GAK: variants seen among roughly 807,000 people sequenced by gnomAD.
The protein encoded by GAK is cyclin-G-associated kinase.
GAK carries 79 observed loss-of-function variants against 143.9 expected under a neutral mutation model. That is an observed-to-expected ratio of 0.55 (90% CI 0.46 to 0.66). The LOEUF (loss-of-function observed/expected upper bound fraction) is 0.66, where lower values mean the gene tolerates loss of function less well. GAK is among the 30% of genes least tolerant of loss of function. GAK has a pLI of 0.00. For missense variants in GAK, 1,693 were observed against 1,779.7 expected, an observed-to-expected ratio of 0.95 and a Z score of 0.88; for synonymous variants, 881 against 765.5, an observed-to-expected ratio of 1.15 and a Z score of -2.49.
chr4:913,863 C>T (rs1434342824), intron 1 of GAK, 195 bp from the exon 2 acceptor site: 1 of 558,458 alleles, frequency 1.8e-6, no homozygotes, highest in Non-Finnish European at 3.2e-6. Flanking sequence ...CACACAGCCC[C>T]AGCGTGCACG....
chr4:890,748 G>T (rs1000208730), intron 9 of GAK, 126 bp from the exon 10 acceptor site: 1 of 697,256 alleles, frequency 1.4e-6, no homozygotes, highest in Admixed American at 2.6e-5. Flanking sequence ...ATGACACAGT[G>T]CAAGGGAGGA....
intron 25 of GAK, 113 bp downstream of exon 25, chr4:851,637 C>G (rs934020371): frequency 1.9e-5 from 22 of 1,136,688 alleles, no homozygotes; most frequent in Non-Finnish European, 3.9e-6. Context: ...GTGGCTTGGC[C>G]GTGCCTGTCC....
intron 24 of GAK, chr4:859,221 C>CT (rs1405595108): frequency 8.4e-7 from 1 of 1,187,728 alleles, no homozygotes; most frequent in Non-Finnish European, 1.1e-6. Flanking sequence ...AGAGGGTGGG[C>CT]TCGGTTCTTG....
Position 912,878 on chromosome 4 carries a change from C to G in GAK, c.208-84G>C, listed in dbSNP as rs774296650. ...CGATGCATCATCTCAGACATAAGCACGCAACAGAGCAATGCAATGTGTCTA... is the reference window on the plus strand; with the variant it reads ...CGATGCATCATCTCAGACATAAGCAGGCAACAGAGCAATGCAATGTGTCTA... On this transcript the variant is annotated intron_variant, in intron 2 of 27. Coordinates refer to ENST00000314167, the MANE Select transcript of GAK (RefSeq NM_005255.4). 12 of 1,159,346 alleles carry G rather than the reference C, an allele frequency of 1.0e-5. No individual in the cohort carries two copies. In the African/African-American group the frequency reaches 1.7e-4, roughly 16 times the overall value. The allele number at this position is 1,159,346 out of a possible 1,614,324, so 71.8% of individuals were successfully genotyped here.
At chr4:875,241 G>A (rs1055961575) in intron 18 of GAK, among the ~76,000 whole-genome samples, 7 of 151,960 alleles carry the variant, frequency 4.6e-5, no homozygotes, top group African/African-American at 1.7e-4. Context: ...AAGAGCACTG[G>A]GTGTTTTTCT....
intron 24 of GAK, chr4:852,313 C>G (rs1021290081): frequency 5.4e-6 from 2 of 369,164 alleles, no homozygotes; most frequent in Admixed American, 8.9e-5. Context: ...CCCCCAGGAG[C>G]CAAGGCAGAC....
At chr4:887,458 T>C (rs1489496135) in intron 11 of GAK, 2 of 147,186 alleles carry the variant, frequency 1.4e-5, no homozygotes, top group African/African-American at 5.1e-5. Flanking sequence ...TGCATACACA[T>C]GCACGCAGCT....
chr4:894,693 T>G (rs1718417034), intron 7 of GAK: 1 of 152,170 alleles, frequency 6.6e-6, no homozygotes, highest in Admixed American at 6.5e-5. Context: ...ATTAAAAAGT[T>G]CCGTTCAGGC....
chr4:907,784 CT>C (rs1721346958), intron 4 of GAK, among the ~76,000 whole-genome samples: 3 of 152,244 alleles, frequency 2.0e-5, no homozygotes, highest in Admixed American at 6.5e-5. Context: ...CGGCTCTCCC[CT>C]GGCACAGCTG....
intron 18 of GAK, among the ~76,000 whole-genome samples, chr4:871,212 G>A (rs868357396): frequency 1.3e-5 from 2 of 152,212 alleles, no homozygotes; most frequent in Admixed American, 6.5e-5. Context: ...GGCACCGGGC[G>A]GGGCCGCCAT....
At chr4:877,263 A>T in intron 16 of GAK, 56 bp from the exon 17 acceptor site, 3 of 1,112,056 alleles carry the variant, frequency 2.7e-6, no homozygotes, top group Non-Finnish European at 4.1e-6. Flanking sequence ...CAACCAAACA[A>T]AAACAACAAA....
Position 849,951 on chromosome 4 carries a change from C to A in GAK, c.3775G>T (p.Ala1259Ser). ...WTPVGMADLV[A>S]PEQVKKHYRR... is the part of the protein sequence containing the mutation. ...TAGTGCTTCTTCACTTGCTCCGGAGCCACCAGGTCGGCCATGCCCACGGGC... is the reference window on the plus strand; with the variant it reads ...TAGTGCTTCTTCACTTGCTCCGGAGACACCAGGTCGGCCATGCCCACGGGC... The change falls in exon 27 of 28, where the codon GCT becomes TCT. Residue 1259 changes from alanine (A) to serine (S), a missense_variant. Ala to Ser is a moderately conservative substitution (Grantham distance 99). Around this residue, in one of 2 missense-constraint regions of GAK, gnomAD observed 822 missense variants for 788.7 expected, o/e 1.04. Coordinates refer to ENST00000314167, the MANE Select transcript of GAK (RefSeq NM_005255.4). 6.2e-7 allele frequency: 1 copy of A among 1,611,862 alleles called. No homozygotes were observed. The highest frequency in any genetic ancestry group is 8.5e-7 in the Non-Finnish European group (1 of 1,179,390).
Position 856,372 on chromosome 4 carries a change from TCA to T in GAK, c.3283+3232_3283+3233del, listed in dbSNP as rs976819218. On this transcript the variant is annotated intron_variant, in intron 24 of 27. Transcript: ENST00000314167. The stretch of plus-strand genomic sequence containing the variant: ...GCTCACACCTGCTCACCACAGCTGC[TCA>T]CCACAGCTGCTCACACCTGCTCACC... Among the ~76,000 whole-genome samples, 11 of 79,610 alleles carry T rather than the reference TCA, an allele frequency of 1.4e-4. No individual in the cohort carries two copies. In the East Asian group the frequency reaches 2.7e-3, roughly 19 times the overall value. 52.2% of individuals were successfully genotyped at this position (79,610 alleles called of 152,430 possible).
chr4:866,342 C>T (rs1288338551), intron 22 of GAK, 22 bp downstream of exon 22: 1 of 1,611,220 alleles, frequency 6.2e-7, no homozygotes, highest in South Asian at 1.1e-5. Flanking sequence ...GGAGAGCTGG[C>T]TGCCAGGCGA....
chr4:919,460 C>T (rs1162685559), intron 1 of GAK, among the ~76,000 whole-genome samples: 2 of 152,262 alleles, frequency 1.3e-5, no homozygotes, highest in African/African-American at 4.8e-5. Context: ...CCAGCCTCCT[C>T]CTCTCCAGCC....
At chr4:914,467 C>T (rs1418786442) in intron 1 of GAK, among the ~76,000 whole-genome samples, 1 of 90,778 alleles carries the variant, frequency 1.1e-5, no homozygotes, top group Non-Finnish European at 2.1e-5. Flanking sequence ...CCCCAGTGTG[C>T]ACGGCCCCAC....
chr4:896,377 T>C (rs942714391), intron 7 of GAK, 83 bp downstream of exon 7: 14 of 970,390 alleles, frequency 1.4e-5, no homozygotes, highest in African/African-American at 8.0e-5. Context: ...CAGTTCCGAG[T>C]GGCAGGTGCC....
chr4:902,100 T>C (rs1341852348), intron 5 of GAK, among the ~76,000 whole-genome samples: 1 of 151,816 alleles, frequency 6.6e-6, no homozygotes, highest in Non-Finnish European at 1.5e-5. Context: ...TAGCCCGGCG[T>C]GGTGGCATAT....
chr4:865,100 C>T (rs765248212), intron 23 of GAK, 22 bp downstream of exon 23: 1 of 1,602,510 alleles, frequency 6.2e-7, no homozygotes, highest in South Asian at 1.1e-5. Flanking sequence ...GGAGCCCTGT[C>T]CTTGGTGGGT....
Sources: allele counts gnomAD v4.1 joint callset (sites outside exome capture counted in the v4.1 genomes callset), GRCh38; gene constraint gnomAD v4.1.1; regional missense constraint gnomAD v4.1.1; transcripts MANE v1.5; gene names NCBI Gene and HGNC (gene_info 2026-07-23, HGNC 2026-07-21).